The following LRRC7 variants were observed in gnomAD, a reference collection of about 807,000 sequenced individuals.
LRRC7 encodes leucine rich repeat containing 7.
LRRC7 carries 23 observed loss-of-function variants against 175.7 expected under a neutral mutation model. The ratio of observed to expected loss-of-function variants is 0.13; its 90% CI spans 0.09 to 0.19. The LOEUF (loss-of-function observed/expected upper bound fraction) is 0.19, where lower values mean the gene tolerates loss of function less well. Ranked by LOEUF, LRRC7 falls within the 10% of genes least tolerant of loss-of-function variation. LRRC7 has a pLI of 1.00. For missense variants in LRRC7, 1,354 were observed against 1,904.7 expected, an observed-to-expected ratio of 0.71 and a Z score of 5.38; for synonymous variants, 685 against 680.9, an observed-to-expected ratio of 1.01 and a Z score of -0.09.
intron 8 of LRRC7, among the ~76,000 whole-genome samples, chr1:69,954,866 C>T (rs935745624): frequency 1.1e-4 from 16 of 152,040 alleles, no homozygotes; most frequent in African/African-American, 3.1e-4. Flanking sequence ...TACTCATTCA[C>T]TGATCTGATA....
intron 8 of LRRC7, among the ~76,000 whole-genome samples, chr1:69,958,508 GT>G (rs750360854): frequency 6.6e-6 from 1 of 152,008 alleles, no homozygotes; most frequent in Non-Finnish European, 1.5e-5. Flanking sequence ...TATAAAAATG[GT>G]ATCTTTTTAA....
rs1427512424 is a variant in LRRC7 at position 70,141,728 on chromosome 1, A to G, written c.*19841A>G. ...AGTTAGCTGCTTATATTGTACAAAG[A>G]TATTTTTGGCTCTTTAAAGGTTATT... is the stretch of plus-strand genomic sequence containing the variant. On this transcript the variant is annotated 3_prime_UTR_variant, in exon 27 of 27. Transcript: ENST00000651989. 6.6e-6 allele frequency: 1 copy of G among 152,068 alleles called. No individual in the cohort carries two copies. The highest frequency in any genetic ancestry group is 2.4e-5 in the African/African-American group (1 of 41,416). The allele number at this position is 152,068 out of a possible 1,614,324, so 9.4% of individuals were successfully genotyped here. A position where few individuals can be genotyped will look rare whatever the true frequency, so the allele number is the denominator to read the frequency against.
intron 7 of LRRC7, among the ~76,000 whole-genome samples, chr1:69,857,750 G>GA (rs1354231400): frequency 3.9e-5 from 6 of 152,094 alleles, no homozygotes; most frequent in Non-Finnish European, 7.4e-5. Flanking sequence ...CACAGAATTG[G>GA]AAAAAGCTAC....
chr1:69,759,552 C>T (rs1404743045), intron 2 of LRRC7, among the ~76,000 whole-genome samples: 2 of 151,848 alleles, frequency 1.3e-5, no homozygotes, highest in African/African-American at 4.8e-5. Flanking sequence ...AGATAGATCC[C>T]CATTTGGAAG....
chr1:69,786,807 G>A (rs923473445), intron 3 of LRRC7, among the ~76,000 whole-genome samples: 1 of 152,152 alleles, frequency 6.6e-6, no homozygotes, highest in Non-Finnish European at 1.5e-5. Context: ...AGATTTGGGT[G>A]GGGATACAGC....
At chr1:70,045,495 C>T (rs1660255727) in intron 22 of LRRC7, among the ~76,000 whole-genome samples, 1 of 152,080 alleles carries the variant, frequency 6.6e-6, no homozygotes, top group African/African-American at 2.4e-5. Context: ...TTCTTCATGT[C>T]CTCTCGGATG....
At chr1:69,737,913 T>C (rs2100841509) in intron 2 of LRRC7, among the ~76,000 whole-genome samples, 1 of 152,206 alleles carries the variant, frequency 6.6e-6, no homozygotes, top group East Asian at 1.9e-4. Flanking sequence ...ACTCTTTTGC[T>C]TTGTAAGACA....
At chr1:69,715,599 A>G (rs1665250884) in intron 2 of LRRC7, among the ~76,000 whole-genome samples, 1 of 152,022 alleles carries the variant, frequency 6.6e-6, no homozygotes, top group Non-Finnish European at 1.5e-5. Flanking sequence ...ATATGCACAT[A>G]TAATAACTAA....
At chr1:69,570,879 T>A (rs1167250575) in intron 1 of LRRC7, among the ~76,000 whole-genome samples, 2 of 152,184 alleles carry the variant, frequency 1.3e-5, no homozygotes, top group African/African-American at 4.8e-5. Flanking sequence ...CTCAGGCCTG[T>A]GGAAAATGTC....
chr1:69,873,644 T>G (rs1357340538), intron 7 of LRRC7: 1 of 387,050 alleles, frequency 2.6e-6, no homozygotes, highest in East Asian at 6.2e-5. Context: ...AAACCAAACA[T>G]TTTTGGTGCG....
chr1:69,688,461 T>C (rs1661445475), intron 2 of LRRC7, among the ~76,000 whole-genome samples: 1 of 152,098 alleles, frequency 6.6e-6, no homozygotes, highest in Non-Finnish European at 1.5e-5. Flanking sequence ...AATTTGATGG[T>C]TTGCATAACT....
chr1:69,704,849 C>T (rs1403032461), intron 2 of LRRC7, among the ~76,000 whole-genome samples: 2 of 151,944 alleles, frequency 1.3e-5, no homozygotes, highest in Non-Finnish European at 2.9e-5. Flanking sequence ...TTATCTTAAG[C>T]ATTACAATAC....
intron 4 of LRRC7, among the ~76,000 whole-genome samples, chr1:69,818,818 T>A (rs369156423): frequency 2.2e-4 from 33 of 152,102 alleles, no homozygotes; most frequent in African/African-American, 8.0e-4. Flanking sequence ...TGATTCAGTC[T>A]AAGCAGGCTC....
intron 2 of LRRC7, among the ~76,000 whole-genome samples, chr1:69,711,098 G>T (rs1353592771): frequency 6.6e-6 from 1 of 152,176 alleles, no homozygotes; most frequent in Non-Finnish European, 1.5e-5. Flanking sequence ...GCTGTAAGAT[G>T]TAACAACAAA....
intron 3 of LRRC7, among the ~76,000 whole-genome samples, chr1:69,780,934 T>C (rs371921277): frequency 2.6e-5 from 4 of 152,286 alleles, no homozygotes; most frequent in East Asian, 3.9e-4. Flanking sequence ...ATTTATCTTT[T>C]GAAAATTCGC....
intron 1 of LRRC7, among the ~76,000 whole-genome samples, chr1:69,570,405 G>A (rs1645692496): frequency 6.6e-6 from 1 of 151,954 alleles, no homozygotes; most frequent in Non-Finnish European, 1.5e-5. Flanking sequence ...TGAAAGCTTC[G>A]CCTCTGCCTT....
At chr1:69,577,344 A>G (rs944492567) in intron 1 of LRRC7, among the ~76,000 whole-genome samples, 2 of 152,272 alleles carry the variant, frequency 1.3e-5, no homozygotes, top group African/African-American at 4.8e-5. Flanking sequence ...TGAAAATCTG[A>G]TGGTAGTTTC....
chr1:69,620,432 C>T (rs1650383978), intron 1 of LRRC7, among the ~76,000 whole-genome samples: 1 of 152,120 alleles, frequency 6.6e-6, no homozygotes, highest in African/African-American at 2.4e-5. Flanking sequence ...TCTAGAATCG[C>T]ACTCTTTCAA....
intron 2 of LRRC7, among the ~76,000 whole-genome samples, chr1:69,704,045 A>G (rs1663713223): frequency 6.6e-6 from 1 of 152,050 alleles, no homozygotes; most frequent in Non-Finnish European, 1.5e-5. Flanking sequence ...ACAGATAAAG[A>G]AAATTTATAA....
Sources: gnomAD v4.1 joint callset for allele counts (sites outside exome capture counted in the v4.1 genomes callset) on GRCh38, gnomAD v4.1.1 for gene constraint, MANE v1.5 for transcripts, NCBI Gene and HGNC (gene_info 2026-07-23, HGNC 2026-07-21) for gene names.